CANX: variants seen among roughly 807,000 people sequenced by gnomAD.
CANX encodes the protein calnexin.
CANX carries 14 observed loss-of-function variants against 75.7 expected under a neutral mutation model. The ratio of observed to expected loss-of-function variants is 0.19; its 90% CI spans 0.12 to 0.29. The LOEUF is 0.29. Ranked by LOEUF, CANX falls within the 10% of genes least tolerant of loss-of-function variation. CANX has a pLI of 1.00. For missense variants in CANX, 567 were observed against 713.2 expected, an observed-to-expected ratio of 0.79 and a Z score of 2.34; for synonymous variants, 227 against 236.9, an observed-to-expected ratio of 0.96 and a Z score of 0.38.
rs1379640351 is a variant in CANX, at chr5:179,692,310, A to G, written c.-3-13369A>G. 2.0e-5 allele frequency among the ~76,000 whole-genome samples: 3 copies of G among 149,762 alleles called. No individual in the cohort carries two copies. In the East Asian group the frequency reaches 6.0e-4, roughly 30 times the overall value. On this transcript the variant is annotated intron_variant, in intron 1 of 14. Coordinates refer to the CANX transcript ENST00000681674. ...GGCTGGTCTTGAACTCCTGACCTCAAATGATCTGCCCATCTCGGTCTCCCA... is the reference window on the plus strand; with the variant it reads ...GGCTGGTCTTGAACTCCTGACCTCAGATGATCTGCCCATCTCGGTCTCCCA...
chr5:179,725,288 C>G (rs973768125), intron 13 of CANX, among the ~76,000 whole-genome samples: 6 of 151,832 alleles, frequency 4.0e-5, no homozygotes, highest in African/African-American at 7.3e-5. Flanking sequence ...TTCACTGCAG[C>G]CTTTGCCTCC....
At chr5:179,706,985 T>C in intron 3 of CANX, 147 bp from the exon 4 acceptor site, 1 of 607,304 alleles carries the variant, frequency 1.6e-6, no homozygotes, top group South Asian at 1.9e-5. Context: ...GTATTATCAT[T>C]AGTTGTGTGA....
chr5:179,691,008 T>C (rs529661816), intron 1 of CANX, among the ~76,000 whole-genome samples: 6 of 152,270 alleles, frequency 3.9e-5, no homozygotes, highest in African/African-American at 1.2e-4. Flanking sequence ...TTTATGTTTA[T>C]AGACATTGAT....
chr5:179,681,173 A>T (rs924213152), intron 1 of CANX, among the ~76,000 whole-genome samples: 2 of 152,200 alleles, frequency 1.3e-5, no homozygotes, highest in African/African-American at 4.8e-5. Context: ...GCATGCATTC[A>T]GTGCATCATT....
intron 1 of CANX, chr5:179,704,358 T>A (rs1776980871): frequency 6.6e-6 from 1 of 151,986 alleles, no homozygotes; most frequent in African/African-American, 2.4e-5. Flanking sequence ...AAACCCTGTC[T>A]CTATTAAAAA....
chr5:179,709,042 A>G lies in CANX; in HGVS notation c.511A>G (p.Thr171Ala). The G allele has an allele frequency of 6.3e-7, 1 of 1,593,572 alleles. No homozygotes were observed. The change falls in exon 6 of 15, where the codon ACA (threonine) becomes GCA (alanine). Residue 171 changes from threonine to alanine, a missense_variant. Physicochemically the swap from Thr to Ala is moderately conservative, Grantham distance 58. Coordinates refer to ENST00000247461, the MANE Select transcript of CANX (RefSeq NM_001746.4). The stretch of plus-strand genomic sequence containing the variant: ...TGCCTATGTGAAACTGCTTTCTAAA[A>G]CACCAGAACTCAACCTGGTATGTAA... The part of the protein sequence containing the change: ...GGAYVKLLSK[T>A]PELNLDQFHD...
At position 179,731,466 on chromosome 5, in the gene CANX, G is replaced by T. The variant is rs1778987061; in HGVS notation, c.*2822G>T. Among the ~76,000 whole-genome samples, 1 of 149,948 alleles carries T rather than the reference G, an allele frequency of 6.7e-6. No homozygotes were observed. ...ATAGTTTAGTTCTGGTGTAAAATTT[G>T]TTTGAATGCTAAAAAAAAAAAAGCA... On this transcript the variant is annotated 3_prime_UTR_variant, in exon 15 of 15. Transcript: ENST00000247461.
intron 4 of CANX, among the ~76,000 whole-genome samples, chr5:179,707,654 T>C (rs571147988): frequency 8.0e-6 from 1 of 124,850 alleles, no homozygotes; most frequent in African/African-American, 2.6e-5. Context: ...AATTTTTTTT[T>C]TTTTTTTTTT....
At chr5:179,698,936 G>T (rs1003486609), upstream of CANX, 17 of 1,131,726 alleles carry the variant, frequency 1.5e-5, no homozygotes, top group Admixed American at 7.1e-4. Context: ...CACAGGGCCG[G>T]GCTTCGTGCG....
chr5:179,716,206 G>A lies in CANX; in HGVS notation c.823G>A (p.Glu275Lys). Residue 275 changes from glutamate (E) to lysine (K), a missense_variant, in exon 8 of 15, where the codon GAA becomes AAA. By Grantham distance (56) the Glu-to-Lys change is moderately conservative. This residue lies in a region of CANX where 351 missense variants were observed against 433.8 expected (regional missense o/e 0.81). Transcript: ENST00000247461. ...GACTCCTCCTGTAAATCCTTCACGT[G>A]AAATTGAGGACCCAGAAGACCGGAA... is the stretch of plus-strand genomic sequence containing the variant. Reference protein sequence around the residue: ...DMTPPVNPSREIEDPEDRKPE... With the variant: ...DMTPPVNPSRKIEDPEDRKPE... 6.2e-7 allele frequency: 1 copy of A among 1,614,006 alleles called. No individual in the cohort carries two copies. The highest frequency in any genetic ancestry group is 8.5e-7 in the Non-Finnish European group (1 of 1,179,852).
chr5:179,708,901 G>T, intron 5 of CANX, 77 bp from the exon 6 acceptor site: 1 of 759,864 alleles, frequency 1.3e-6, no homozygotes, highest in East Asian at 2.5e-5. Flanking sequence ...CTAAGATGAG[G>T]GAGAGAGGAA....
At chr5:179,714,778 A>C (rs1314811834) in intron 7 of CANX, among the ~76,000 whole-genome samples, 1 of 151,720 alleles carries the variant, frequency 6.6e-6, no homozygotes, top group African/African-American at 2.4e-5. Flanking sequence ...CGGCCTCCCA[A>C]AGTGCTGGGA....
At chr5:179,679,028 A>AGTGGCGGCCGCC in intron 1 of CANX, 2 of 1,534,828 alleles carry the variant, frequency 1.3e-6, no homozygotes, top group Non-Finnish European at 1.7e-6. Context: ...CATGCGGCGC[A>AGTGGCGGCCGCC]GTGGCGGCCG....
intron 1 of CANX, chr5:179,680,864 G>T: frequency 6.5e-7 from 1 of 1,535,122 alleles, no homozygotes; most frequent in Non-Finnish European, 8.7e-7. Context: ...GAGGCTGGAT[G>T]GTACATACCA....
chr5:179,697,114 TGCAGTGGCCTGATCTTA>T (rs1437496111), upstream of CANX, among the ~76,000 whole-genome samples: 1 of 152,094 alleles, frequency 6.6e-6, no homozygotes, highest in Non-Finnish European at 1.5e-5. Flanking sequence ...CTGGATGAAA[TGCAGTGGCCTGATCTTA>T]GCTCACTGCA....
At chr5:179,722,164 T>C (rs1778353056) in intron 10 of CANX, among the ~76,000 whole-genome samples, 1 of 152,196 alleles carries the variant, frequency 6.6e-6, no homozygotes, top group Non-Finnish European at 1.5e-5. Context: ...ACACCATCTC[T>C]ACTAAAAGCA....
intron 3 of CANX, 151 bp from the exon 4 acceptor site, chr5:179,706,981 T>C (rs1230252090): frequency 3.3e-6 from 2 of 597,774 alleles, no homozygotes; most frequent in Non-Finnish European, 3.0e-6. Flanking sequence ...TAATGTATTA[T>C]CATTAGTTGT....
rs61157839 is a variant in CANX at position 179,706,857 on chromosome 5, C to G, written c.246-275C>G. Among the ~76,000 whole-genome samples, 434 of 152,294 alleles carry G rather than the reference C, an allele frequency of 2.8e-3. 7 individuals are homozygous for G. The highest frequency in any genetic ancestry group is 0.01 in the African/African-American group (417 of 41,550). On this transcript the variant is annotated intron_variant, in intron 3 of 14. Coordinates refer to ENST00000247461, the MANE Select transcript of CANX (RefSeq NM_001746.4). ...CTTCCACTTCTTTCCCTCCCCCACT[C>G]TACCCTATATTTTGTTCTTTGATTG...
At chr5:179,701,115 C>G (rs1406949748) in intron 1 of CANX, 2 of 152,044 alleles carry the variant, frequency 1.3e-5, no homozygotes, top group African/African-American at 4.8e-5. Context: ...ATCCGCCCAC[C>G]TCGGCCTCCC....
Sources: gnomAD v4.1 joint callset for allele counts (sites outside exome capture counted in the v4.1 genomes callset) on GRCh38, gnomAD v4.1.1 for gene constraint, gnomAD v4.1.1 regional missense constraint, MANE v1.5 for transcripts, NCBI Gene and HGNC (gene_info 2026-07-23, HGNC 2026-07-21) for gene names.